KCTD8: variants seen among roughly 807,000 people sequenced by gnomAD.
KCTD8 encodes the protein potassium channel tetramerization domain containing 8, also known as BTB/POZ domain-containing protein KCTD8.
KCTD8 carries 27 observed loss-of-function variants against 31.5 expected under a neutral mutation model. The observed-to-expected ratio is 0.86, with a 90% CI of 0.63 to 1.18. The LOEUF (loss-of-function observed/expected upper bound fraction) is 1.18, where lower values mean the gene tolerates loss of function less well. Ranked by LOEUF, KCTD8 falls within the 50% of genes most tolerant of loss-of-function variation. The probability of loss-of-function intolerance (pLI) is 0.00; values close to 1 mark genes in which losing one functional copy is unlikely to be tolerated. For missense variants in KCTD8, 658 were observed against 647.7 expected (o/e 1.02, Z -0.17); for synonymous variants, 290 against 280.0 (o/e 1.04, Z -0.36).
intron 1 of KCTD8, among the ~76,000 whole-genome samples, chr4:44,416,336 TTGGACTTGATGC>T (rs1313972853): frequency 6.6e-6 from 1 of 152,114 alleles, no homozygotes; most frequent in Non-Finnish European, 1.5e-5. Flanking sequence ...AGTTAGGACT[TTGGACTTGATGC>T]TGGAATGAGT....
rs117654787 is a variant in KCTD8, at chr4:44,389,281, G to C, written c.961+58282C>G. On this transcript the variant is annotated intron_variant, in intron 1 of 1. Transcript: ENST00000360029. Reference sequence around the variant, plus strand: ...ACATTTTAAAATAAACAGTATAATTGAGTTGTCTATAACATAAAGACAGGA... The same window carrying C: ...ACATTTTAAAATAAACAGTATAATTCAGTTGTCTATAACATAAAGACAGGA... Among the ~76,000 whole-genome samples the C allele has an allele frequency of 4.0e-5, 6 of 151,810 alleles. No individual in the cohort carries two copies. In the East Asian group the frequency reaches 1.2e-3, roughly 30 times the overall value.
chr4:44,188,877 C>T (rs1406419973), intron 1 of KCTD8, among the ~76,000 whole-genome samples: 1 of 152,118 alleles, frequency 6.6e-6, no homozygotes. Context: ...TTAATTTTAG[C>T]CTAGTGAAAC....
chr4:44,400,471 G>A (rs1002288818), intron 1 of KCTD8, among the ~76,000 whole-genome samples: 3 of 151,882 alleles, frequency 2.0e-5, no homozygotes, highest in Non-Finnish European at 2.9e-5. Context: ...TGGCTCACCT[G>A]TAATCCCAAC....
intron 1 of KCTD8, among the ~76,000 whole-genome samples, chr4:44,248,388 C>T (rs1715730173): frequency 6.6e-6 from 1 of 151,002 alleles, no homozygotes; most frequent in Non-Finnish European, 1.5e-5. Context: ...TCCTGTGCTT[C>T]ACCCATAATT....
At chr4:44,286,395 C>T (rs948887255) in intron 1 of KCTD8, among the ~76,000 whole-genome samples, 8 of 152,172 alleles carry the variant, frequency 5.3e-5, no homozygotes, top group South Asian at 2.1e-4. Flanking sequence ...AGGAGAAAAA[C>T]GCTGGAGTAC....
At chr4:44,374,955 T>C (rs953979373) in intron 1 of KCTD8, among the ~76,000 whole-genome samples, 1 of 152,160 alleles carries the variant, frequency 6.6e-6, no homozygotes, top group Non-Finnish European at 1.5e-5. Flanking sequence ...GCTAAGATTG[T>C]TTGATACAAG....
intron 1 of KCTD8, among the ~76,000 whole-genome samples, chr4:44,432,553 A>C (rs1721530409): frequency 6.6e-6 from 1 of 151,642 alleles, no homozygotes; most frequent in South Asian, 2.1e-4. Flanking sequence ...TACTACAGGT[A>C]CCTCAGACTA....
At chr4:44,400,739 A>G (rs1182181803) in intron 1 of KCTD8, among the ~76,000 whole-genome samples, 2 of 151,720 alleles carry the variant, frequency 1.3e-5, no homozygotes, top group African/African-American at 4.8e-5. Flanking sequence ...AAAAAAAAAA[A>G]AAAAAAAAAA....
intron 1 of KCTD8, among the ~76,000 whole-genome samples, chr4:44,214,677 C>T (rs114328575): frequency 0.031 from 4,657 of 152,266 alleles, 242 homozygotes; most frequent in African/African-American, 0.11. Flanking sequence ...CCAAGCTGTC[C>T]TTGTTCATTG....
chr4:44,425,998 G>T (rs760727082), intron 1 of KCTD8, among the ~76,000 whole-genome samples: 2 of 151,242 alleles, frequency 1.3e-5, no homozygotes, highest in Non-Finnish European at 2.9e-5. Context: ...ATAAAAATTA[G>T]CGATAAATAA....
chr4:44,277,630 T>C (rs1716789790), intron 1 of KCTD8, among the ~76,000 whole-genome samples: 1 of 151,892 alleles, frequency 6.6e-6, no homozygotes, highest in African/African-American at 2.4e-5. Context: ...TAGACCCCTG[T>C]TTTTCCTCGA....
intron 1 of KCTD8, among the ~76,000 whole-genome samples, chr4:44,386,918 G>A (rs923517368): frequency 1.3e-5 from 2 of 151,734 alleles, no homozygotes; most frequent in Admixed American, 1.3e-4. Flanking sequence ...CATTCAAACA[G>A]AAACAGAGGA....
intron 1 of KCTD8, among the ~76,000 whole-genome samples, chr4:44,436,301 T>A (rs1391126764): frequency 6.6e-6 from 1 of 152,110 alleles, no homozygotes; most frequent in African/African-American, 2.4e-5. Context: ...AGCAGCCATA[T>A]ATTCAGAACA....
At chr4:44,391,850 A>C (rs1427454877) in intron 1 of KCTD8, among the ~76,000 whole-genome samples, 1 of 151,988 alleles carries the variant, frequency 6.6e-6, no homozygotes, top group African/African-American at 2.4e-5. Flanking sequence ...AGACAAAGTT[A>C]ATCCACGTGA....
At chr4:44,240,192 C>T (rs986746163) in intron 1 of KCTD8, among the ~76,000 whole-genome samples, 9 of 152,296 alleles carry the variant, frequency 5.9e-5, no homozygotes, top group Middle Eastern at 3.4e-3. Flanking sequence ...CAACTATTGC[C>T]TTTTTGGCAG....
rs556250942 is a variant in KCTD8 at position 44,254,183 on chromosome 4, G to A, written c.962-78933C>T. Among the ~76,000 whole-genome samples, 18 of 151,950 alleles carry A rather than the reference G, an allele frequency of 1.2e-4. No homozygotes were observed. In the South Asian group the frequency reaches 3.7e-3, roughly 32 times the overall value. ...CAAGAATGTGTTCAGAGAGAGATTAGTTAAAAAAAGTGAACTGTTTAGTTA... is the reference window on the plus strand; with the variant it reads ...CAAGAATGTGTTCAGAGAGAGATTAATTAAAAAAAGTGAACTGTTTAGTTA... On this transcript the variant is annotated intron_variant, in intron 1 of 1. Transcript: ENST00000360029.
chr4:44,361,449 C>T (rs761494043), intron 1 of KCTD8, among the ~76,000 whole-genome samples: 5 of 151,980 alleles, frequency 3.3e-5, no homozygotes, highest in Admixed American at 6.6e-5. Context: ...GAACTAGATA[C>T]TTTTAAAACA....
chr4:44,202,967 GA>G (rs1219844411), intron 1 of KCTD8, among the ~76,000 whole-genome samples: 2 of 151,648 alleles, frequency 1.3e-5, no homozygotes, highest in African/African-American at 2.4e-5. Flanking sequence ...AAAGACAAAA[GA>G]AAAAAGCCTT....
At chr4:44,441,306 C>T (rs1239405788) in intron 1 of KCTD8, among the ~76,000 whole-genome samples, 1 of 151,804 alleles carries the variant, frequency 6.6e-6, no homozygotes, top group African/African-American at 2.4e-5. Context: ...AAACCTATAA[C>T]TTGGTTACCC....
Sources: gnomAD v4.1 joint callset for allele counts (sites outside exome capture counted in the v4.1 genomes callset) on GRCh38, gnomAD v4.1.1 for gene constraint, MANE v1.5 for transcripts, NCBI Gene and HGNC (gene_info 2026-07-23, HGNC 2026-07-21) for gene names.